Variants in RCAN1 observed in about 807,000 individuals in gnomAD.
RCAN1 encodes calcipressin-1.
RCAN1 carries 11 observed loss-of-function variants against 22.9 expected under a neutral mutation model. The ratio of observed to expected loss-of-function variants is 0.48; its 90% CI spans 0.30 to 0.79. The LOEUF is 0.79. RCAN1 is among the 30% of genes least tolerant of loss of function. The probability of loss-of-function intolerance (pLI) is 0.06; values close to 1 mark genes in which losing one functional copy is unlikely to be tolerated. For missense variants in RCAN1, 291 were observed against 337.8 expected, an observed-to-expected ratio of 0.86 and a Z score of 1.09; for synonymous variants, 136 against 142.3, an observed-to-expected ratio of 0.96 and a Z score of 0.32.
At chr21:34,544,464 C>T (rs1368863971) in intron 1 of RCAN1, among the ~76,000 whole-genome samples, 1 of 152,190 alleles carries the variant, frequency 6.6e-6, no homozygotes, top group African/African-American at 2.4e-5. Flanking sequence ...CAGGAGAGAA[C>T]CGGTTCCAGC....
At chr21:34,555,190 G>C (rs1224007943) in intron 1 of RCAN1, among the ~76,000 whole-genome samples, 1 of 152,234 alleles carries the variant, frequency 6.6e-6, no homozygotes, top group Non-Finnish European at 1.5e-5. Flanking sequence ...CAGATGAAAA[G>C]AGACAGAAGA....
At chr21:34,596,892 A>G (rs1988176766) in intron 1 of RCAN1, among the ~76,000 whole-genome samples, 1 of 152,190 alleles carries the variant, frequency 6.6e-6, no homozygotes, top group African/African-American at 2.4e-5. Flanking sequence ...GGGCCTGCTC[A>G]CTGTGCTGTG....
intron 1 of RCAN1, chr21:34,526,813 C>A: frequency 6.4e-7 from 1 of 1,557,676 alleles, no homozygotes. Context: ...AGATTCCTTT[C>A]CAAGAGGCTG....
chr21:34,529,468 T>C (rs1985256294), intron 1 of RCAN1, among the ~76,000 whole-genome samples: 1 of 152,256 alleles, frequency 6.6e-6, no homozygotes, highest in Admixed American at 6.5e-5. Flanking sequence ...TGCCTCCTCA[T>C]CTGCTTATCT....
intron 1 of RCAN1, chr21:34,526,848 T>C: frequency 6.7e-7 from 1 of 1,496,388 alleles, no homozygotes; most frequent in Non-Finnish European, 8.8e-7. Context: ...AGCTGGTGCT[T>C]ATAAAGCAGT....
At chr21:34,613,706 G>T in intron 1 of RCAN1, 1 of 1,413,624 alleles carries the variant, frequency 7.1e-7, no homozygotes, top group Non-Finnish European at 9.4e-7. Flanking sequence ...AGCATGCCTG[G>T]AAGCTTACCT....
chr21:34,579,367 C>T (rs1330641555), intron 1 of RCAN1, among the ~76,000 whole-genome samples: 1 of 152,176 alleles, frequency 6.6e-6, no homozygotes, highest in African/African-American at 2.4e-5. Flanking sequence ...TGCGCCACTG[C>T]ACTCCAGCCT....
At chr21:34,611,123 G>A (rs1297924597) in intron 1 of RCAN1, among the ~76,000 whole-genome samples, 2 of 152,174 alleles carry the variant, frequency 1.3e-5, no homozygotes, top group African/African-American at 2.4e-5. Flanking sequence ...TCAGCTTGAT[G>A]ATGACTGAAT....
At position 34,556,429 on chromosome 21, in the gene RCAN1, A is replaced by AATAAT. The variant is rs1555861219; in HGVS notation, c.253-32720_253-32719insATTAT. ...TGACAGACTGAGACCTTGTCTCAAA[A>AATAAT]AATAATAATAATAATAATAATAATA... On this transcript the variant is annotated intron_variant, in intron 1 of 3. Transcript: ENST00000313806. 1.6e-4 allele frequency among the ~76,000 whole-genome samples: 24 copies of AATAAT among 145,546 alleles called. No individual in the cohort carries two copies. The East Asian group carries it at 2.0e-3, about 12-fold the overall frequency.
intron 1 of RCAN1, among the ~76,000 whole-genome samples, chr21:34,608,291 G>A (rs960413189): frequency 6.6e-6 from 1 of 152,188 alleles, no homozygotes; most frequent in Non-Finnish European, 1.5e-5. Context: ...CCTATAGGAT[G>A]GCCCCCAGGG....
At chr21:34,554,646 T>A (rs1187861451) in intron 1 of RCAN1, among the ~76,000 whole-genome samples, 1 of 152,198 alleles carries the variant, frequency 6.6e-6, no homozygotes, top group African/African-American at 2.4e-5. Flanking sequence ...CAAAAAACTC[T>A]GATTTTTCAG....
At chr21:34,592,485 G>A (rs910273130) in intron 1 of RCAN1, among the ~76,000 whole-genome samples, 1 of 152,158 alleles carries the variant, frequency 6.6e-6, no homozygotes. Context: ...AAGCAGAGGG[G>A]AGCAAAGTCC....
intron 1 of RCAN1, among the ~76,000 whole-genome samples, chr21:34,534,642 T>C (rs1006384844): frequency 6.6e-6 from 1 of 152,160 alleles, no homozygotes; most frequent in East Asian, 1.9e-4. Context: ...CAAAAGGCCA[T>C]GGCTTCTGGT....
intron 1 of RCAN1, among the ~76,000 whole-genome samples, chr21:34,587,762 T>C (rs570931730): frequency 2.0e-5 from 3 of 152,360 alleles, no homozygotes; most frequent in Admixed American, 1.3e-4. Flanking sequence ...GTTAATTTTA[T>C]GTGTGAACTT....
chr21:34,526,835 T>C (rs543770617), intron 1 of RCAN1: 5 of 1,520,456 alleles, frequency 3.3e-6, no homozygotes, highest in East Asian at 2.5e-5. Flanking sequence ...AGGTTCCTTC[T>C]TGAGCTGGTG....
intron 3 of RCAN1, chr21:34,521,271 T>C (rs1303075668): frequency 1.4e-6 from 2 of 1,442,150 alleles, no homozygotes; most frequent in South Asian, 1.4e-5. Context: ...AGGGGCGTGA[T>C]GCAGGGTCCC....
intron 1 of RCAN1, among the ~76,000 whole-genome samples, chr21:34,553,860 A>G (rs1471451795): frequency 1.3e-5 from 2 of 152,204 alleles, no homozygotes; most frequent in Non-Finnish European, 2.9e-5. Context: ...TCGAGAAGAA[A>G]CATAATGAGG....
chr21:34,583,692 G>C (rs901399213), intron 1 of RCAN1, among the ~76,000 whole-genome samples: 3 of 152,140 alleles, frequency 2.0e-5, no homozygotes, highest in Admixed American at 2.0e-4. Context: ...AACTGTGAGA[G>C]AAAAAAGGTC....
chr21:34,594,844 C>T (rs1389866228), intron 1 of RCAN1, among the ~76,000 whole-genome samples: 1 of 152,212 alleles, frequency 6.6e-6, no homozygotes, highest in Non-Finnish European at 1.5e-5. Context: ...GTAACAAGCG[C>T]ATACCTCACA....
Sources: gnomAD v4.1 joint callset for allele counts (sites outside exome capture counted in the v4.1 genomes callset) on GRCh38, gnomAD v4.1.1 for gene constraint, MANE v1.5 for transcripts, NCBI Gene and HGNC (gene_info 2026-07-23, HGNC 2026-07-21) for gene names.